Variants in AP5Z1 observed in about 807,000 individuals in gnomAD.
The protein encoded by AP5Z1 is adaptor related protein complex 5 subunit zeta 1.
A neutral mutation model predicts 83.0 loss-of-function variants in AP5Z1; 106 were observed. The observed-to-expected ratio is 1.28, with a 90% CI of 1.09 to 1.50. AP5Z1 has a LOEUF of 1.50. Among genes scored for constraint, AP5Z1 ranks in the 40% most tolerant of loss-of-function variants. AP5Z1 has a pLI of 0.00. For synonymous variants in AP5Z1, 751 were observed against 514.1 expected (o/e 1.46, Z -6.23); for missense variants, 1,565 against 1,094.2 (o/e 1.43, Z -6.07).
chr7:4,786,469 T>TAAAGTATGGTA (rs113569690), intron 10 of AP5Z1, 41 bp downstream of exon 10: 9 of 1,606,102 alleles, frequency 5.6e-6, no homozygotes, highest in Middle Eastern at 3.4e-4. Context: ...AGGGGCATGG[T>TAAAGTATGGTA]AAGTCCCTGG....
At position 4,786,383 on chromosome 7, in the gene AP5Z1, C is replaced by T. The variant is rs371998214; in HGVS notation, c.1266C>T (p.Ser422=). 475 of 1,613,916 alleles carry T rather than the reference C, an allele frequency of 2.9e-4. No individual in the cohort carries two copies. Among genetic ancestry groups the T allele is most frequent in the Middle Eastern group, 8.2e-4 (5 of 6,062 alleles). Residue 422 remains serine, a synonymous_variant, in exon 10 of 17, where the codon AGC becomes AGT. Transcript: ENST00000649063. ...GCAGGGACAACCTCCACCTGTTCAG[C>T]GGGCACCTCAGCACCCTCAGATTGA... The part of the protein sequence containing the change: ...QFCRDNLHLF[S]GHLSTLRLSF...
Position 4,781,955 on chromosome 7 carries a change from T to C in AP5Z1, c.366+201T>C, listed in dbSNP as rs193299188. On this transcript the variant is annotated intron_variant, in intron 3 of 16. Transcript: ENST00000649063. ...CCATGCCCAGCAGGCCCACGTGGTATGTTGGTGCTCAGGAGAGGTGGTGGA... is the reference window on the plus strand; with the variant it reads ...CCATGCCCAGCAGGCCCACGTGGTACGTTGGTGCTCAGGAGAGGTGGTGGA... 7.9e-4 allele frequency among the ~76,000 whole-genome samples: 121 copies of C among 152,298 alleles called. 2 individuals are homozygous for C. The Middle Eastern group carries it at 0.01, about 13-fold the overall frequency.
At position 4,790,483 on chromosome 7, in the gene AP5Z1, C is replaced by T. The variant is rs1007911730; in HGVS notation, c.1830C>T (p.Ala610=). Residue 610 remains alanine, a synonymous_variant, in exon 15 of 17, where the codon GCC becomes GCT. Coordinates refer to ENST00000649063, the MANE Select transcript of AP5Z1 (RefSeq NM_014855.3). ...VHSVLSSQFL[A]LCTLKPSLVV... ...GTGTGCTGAGTTCTCAGTTCCTGGCCCTGTGTACGCTGAAACCCTCCCTGG... is the reference window on the plus strand; with the variant it reads ...GTGTGCTGAGTTCTCAGTTCCTGGCTCTGTGTACGCTGAAACCCTCCCTGG... The T allele has an allele frequency of 5.0e-6, 8 of 1,613,178 alleles. No homozygotes were observed. Among genetic ancestry groups the T allele is most frequent in the Middle Eastern group, 3.3e-4 (2 of 6,062 alleles).
At chr7:4,781,133 C>T (rs768451780) in intron 1 of AP5Z1, 42 bp from the exon 2 acceptor site, 6 of 1,594,376 alleles carry the variant, frequency 3.8e-6, no homozygotes, top group Middle Eastern at 1.7e-4. Context: ...TGGTTCCGAG[C>T]AGCGAGTGCT....
chr7:4,792,537 G>C lies in AP5Z1; in HGVS notation c.*1152G>C, dbSNP rs112074284. The C allele has an allele frequency of 7.2e-5, 11 of 152,462 alleles. No individual in the cohort carries two copies. Among genetic ancestry groups the C allele is most frequent in the Admixed American group, 3.3e-4 (5 of 15,306 alleles). The allele number at this position is 152,462 out of a possible 1,614,324, so 9.4% of individuals were successfully genotyped here. Reference sequence around the variant, plus strand: ...ACCGTGCGGGCTCAGGAGCTCCCCAGATGCCCGAGCCGAACCGCGGGGTCC... The same window carrying C: ...ACCGTGCGGGCTCAGGAGCTCCCCACATGCCCGAGCCGAACCGCGGGGTCC... On this transcript the variant is annotated 3_prime_UTR_variant, in exon 17 of 17. Transcript: ENST00000649063.
Position 4,783,811 on chromosome 7 carries a change from C to T in AP5Z1, c.621+13C>T. 6.5e-7 allele frequency: 1 copy of T among 1,544,280 alleles called. No individual in the cohort carries two copies. The highest frequency in any genetic ancestry group is 8.7e-7 in the Non-Finnish European group (1 of 1,145,964). ...CAGGGCCCGGCAGGTGAGGCTGGGA[C>T]TGTTCTGGAACCATGGGGAACAGAG... On this transcript the variant is annotated intron_variant, in intron 5 of 16. Coordinates refer to ENST00000649063, the MANE Select transcript of AP5Z1 (RefSeq NM_014855.3).
At chr7:4,775,785 C>A (rs1308244357) in intron 1 of AP5Z1, 29 bp downstream of exon 1, 1 of 1,599,378 alleles carries the variant, frequency 6.3e-7, no homozygotes, top group Non-Finnish European at 8.5e-7. Flanking sequence ...CCCGGCCCTC[C>A]TTCCTGCATC....
At chr7:4,788,773 C>A (rs1272195986) in intron 12 of AP5Z1, 67 bp from the exon 13 acceptor site, 2 of 1,379,562 alleles carry the variant, frequency 1.4e-6, no homozygotes, top group African/African-American at 1.4e-5. Flanking sequence ...GCAGTGGCGA[C>A]GTGGCCCCGG....
At chr7:4,783,840 C>T (rs1404278520) in intron 5 of AP5Z1, 42 bp downstream of exon 5, 7 of 1,522,252 alleles carry the variant, frequency 4.6e-6, no homozygotes, top group East Asian at 2.5e-5. Flanking sequence ...AACAGAGTCA[C>T]AGACAACCCC....
rs762049662 is a variant in AP5Z1, at chr7:4,791,393, G to C, written c.*8G>C. 38 of 1,600,086 alleles carry C rather than the reference G, an allele frequency of 2.4e-5. No individual in the cohort carries two copies. Among genetic ancestry groups the C allele is most frequent in the Non-Finnish European group, 3.2e-5 (37 of 1,173,462 alleles). On this transcript the variant is annotated 3_prime_UTR_variant, in exon 17 of 17. Transcript: ENST00000649063. ...GGCCTCATGCCAGGGTGAAGGGACAGTGGCCAGGGACTTCGGTGCAGATTA... is the reference window on the plus strand; with the variant it reads ...GGCCTCATGCCAGGGTGAAGGGACACTGGCCAGGGACTTCGGTGCAGATTA...
In AP5Z1 at chr7:4,787,662, C is replaced by T. The variant is rs1433795017; in HGVS notation, c.1340C>T (p.Thr447Ile). 25 of 1,553,350 alleles carry T rather than the reference C, an allele frequency of 1.6e-5. No individual in the cohort carries two copies. The highest frequency in any genetic ancestry group is 1.7e-5 in the Non-Finnish European group (19 of 1,148,928). Reference protein sequence around the residue: ...KFLAWNSPPLTSEFVALLPAL... With the variant: ...KFLAWNSPPLISEFVALLPAL... ...CTGGCCTGGAACAGCCCACCCCTCA[C>T]CTCCGAGTTTGTGGCGCTCCTCCCG... Residue 447 changes from threonine to isoleucine, a missense_variant, in exon 11 of 17, where the codon ACC (threonine) becomes ATC (isoleucine). Coordinates refer to ENST00000649063, the MANE Select transcript of AP5Z1 (RefSeq NM_014855.3).
intron 1 of AP5Z1, 128 bp downstream of exon 1, chr7:4,775,884 C>T (rs907913404): frequency 7.4e-6 from 10 of 1,356,202 alleles, no homozygotes; most frequent in Non-Finnish European, 1.0e-5. Context: ...GCCCTCGAGA[C>T]TTGGGGATCG....
chr7:4,791,158 C>T lies in AP5Z1; in HGVS notation c.2197C>T (p.Pro733Ser). 6.2e-7 allele frequency: 1 copy of T among 1,609,288 alleles called. No homozygotes were observed. Among genetic ancestry groups the T allele is most frequent in the South Asian group, 1.1e-5 (1 of 90,712 alleles). ...LSKMRTLAHS[P>S]ATSSTHSEEG... ...AAAGATGAGGACCCTGGCTCACAGTCCAGCCACCAGCTCCACGCACAGCGA... is the reference window on the plus strand; with the variant it reads ...AAAGATGAGGACCCTGGCTCACAGTTCAGCCACCAGCTCCACGCACAGCGA... The change falls in exon 17 of 17, where the codon CCA becomes TCA. Residue 733 changes from proline (P) to serine (S), a missense_variant. Transcript: ENST00000649063.
rs2880933 is a variant in AP5Z1, at chr7:4,794,008, A to C, written c.*2623A>C. 46,592 of 152,414 alleles carry C rather than the reference A, an allele frequency of 0.31. 13,502 individuals are homozygous for C. Among genetic ancestry groups the C allele is most frequent in the African/African-American group, 0.77 (31,842 of 41,460 alleles). The allele number at this position is 152,414 out of a possible 1,614,324, so 9.4% of individuals were successfully genotyped here. Reference sequence around the variant, plus strand: ...ATGTCTAGCTAAGGGATTGTAAATAAACCAATTGGCACTCTGTATCTAGCT... The same window carrying C: ...ATGTCTAGCTAAGGGATTGTAAATACACCAATTGGCACTCTGTATCTAGCT... On this transcript the variant is annotated 3_prime_UTR_variant, in exon 17 of 17. Transcript: ENST00000649063.
Position 4,785,543 on chromosome 7 carries a change from G to T in AP5Z1, c.991G>T (p.Val331Leu), listed in dbSNP as rs1462882434. ...QKACLVEAVLVLDVLCRQDPS... is the reference protein window; with the variant it reads ...QKACLVEAVLLLDVLCRQDPS... ...GCAGTGCCTGGTGGAGGCCGTGCTGGTGCTGGACGTGCTGTGCCGGCAGGA... is the reference window on the plus strand; with the variant it reads ...GCAGTGCCTGGTGGAGGCCGTGCTGTTGCTGGACGTGCTGTGCCGGCAGGA... The change falls in exon 9 of 17, where the codon GTG (valine) becomes TTG (leucine). Residue 331 changes from valine (V) to leucine (L), a missense_variant. By Grantham distance (32) the Val-to-Leu change is conservative (BLOSUM62 1). Coordinates refer to ENST00000649063, the MANE Select transcript of AP5Z1 (RefSeq NM_014855.3). 1.9e-6 allele frequency: 3 copies of T among 1,612,558 alleles called. No homozygotes were observed. The highest frequency in any genetic ancestry group is 2.5e-6 in the Non-Finnish European group (3 of 1,179,572).
At position 4,785,683 on chromosome 7, in the gene AP5Z1, C is replaced by T. The variant is rs11768079; in HGVS notation, c.1131C>T (p.His377=). 0.069 allele frequency: 105,160 copies of T among 1,528,480 alleles called. 4,586 individuals are homozygous for T. Among genetic ancestry groups the T allele is most frequent in the South Asian group, 0.18 (15,075 of 83,088 alleles). The allele number at this position is 1,528,480 out of a possible 1,614,324, so 94.7% of individuals were successfully genotyped here. The change falls in exon 9 of 17, where the codon CAC becomes CAT. Residue 377 remains histidine, a splice_region_variant and synonymous_variant. Transcript: ENST00000649063. The stretch of plus-strand genomic sequence containing the variant: ...CCCTCGCCCACTTCTTCCTGAGCCA[C>T]GGTGAGCCCAGGGTGGGGTGGCGCT... ...LLPLAHFFLS[H]GEAAAVDSEA...
intron 12 of AP5Z1, 140 bp downstream of exon 12, chr7:4,788,434 A>C: frequency 9.1e-7 from 1 of 1,103,114 alleles, no homozygotes; most frequent in Non-Finnish European, 1.2e-6. Flanking sequence ...CGTCATCACC[A>C]TTATAGAGGC....
At chr7:4,777,100 T>A (rs1781249107) in intron 1 of AP5Z1, among the ~76,000 whole-genome samples, 1 of 152,204 alleles carries the variant, frequency 6.6e-6, no homozygotes, top group African/African-American at 2.4e-5. Flanking sequence ...AGGAAGAGGC[T>A]TGGTGAATAT....
At chr7:4,787,815 C>G in intron 11 of AP5Z1, 39 bp downstream of exon 11, 1 of 1,500,086 alleles carries the variant, frequency 6.7e-7, no homozygotes, top group East Asian at 2.5e-5. Flanking sequence ...CGTCTCCCAG[C>G]CAGCTGGTTC....
Sources: gnomAD v4.1 joint callset for allele counts (sites outside exome capture counted in the v4.1 genomes callset) on GRCh38, gnomAD v4.1.1 for gene constraint, MANE v1.5 for transcripts, NCBI Gene and HGNC (gene_info 2026-07-23, HGNC 2026-07-21) for gene names.